TLE4: variants seen among roughly 807,000 people sequenced by gnomAD.
The protein encoded by TLE4 is TLE family member 4, transcriptional corepressor.
A neutral mutation model predicts 92.8 loss-of-function variants in TLE4; 8 were observed. That is an observed-to-expected ratio of 0.09 (90% CI 0.05 to 0.16). The LOEUF is 0.16. TLE4 is among the 10% of genes least tolerant of loss of function. The pLI is 1.00. For missense variants in TLE4, 675 were observed against 997.6 expected (o/e 0.68, Z 4.36); for synonymous variants, 371 against 374.1 (o/e 0.99, Z 0.10).
intron 6 of TLE4, among the ~76,000 whole-genome samples, chr9:79,639,469 A>AT (rs1362012578): frequency 1.3e-5 from 2 of 152,080 alleles, no homozygotes; most frequent in Non-Finnish European, 2.9e-5. Context: ...TTTTTAAATA[A>AT]TTTTTTTGTA....
intron 11 of TLE4, chr9:79,707,284 A>G: frequency 1.5e-6 from 2 of 1,293,522 alleles, no homozygotes; most frequent in South Asian, 2.4e-5. Context: ...CAAGCTACAT[A>G]TGACGGCAAT....
intron 6 of TLE4, among the ~76,000 whole-genome samples, chr9:79,632,975 G>A (rs1438856961): frequency 6.6e-6 from 1 of 152,170 alleles, no homozygotes; most frequent in Non-Finnish European, 1.5e-5. Flanking sequence ...ACACATGGCA[G>A]GAACACCAAA....
chr9:79,631,771 G>A (rs1055859535), intron 6 of TLE4, among the ~76,000 whole-genome samples: 1 of 151,656 alleles, frequency 6.6e-6, no homozygotes, highest in African/African-American at 2.4e-5. Flanking sequence ...AACTTTCAAA[G>A]GCATTTGGAT....
chr9:79,722,388 C>A (rs2075790974), intron 17 of TLE4, 63 bp from the exon 18 acceptor site: 2 of 1,564,718 alleles, frequency 1.3e-6, no homozygotes, highest in Admixed American at 3.5e-5. Context: ...AGAGATAGTA[C>A]CTCCCAGATA....
rs554500151 is a variant in TLE4 at position 79,683,394 on chromosome 9, A to C, written c.610-21389A>C. Reference sequence around the variant, plus strand: ...AGGTAGAATTAAATTGAGCGTAAACATGAAGTTTAAACTTATTTTGATATT... The same window carrying C: ...AGGTAGAATTAAATTGAGCGTAAACCTGAAGTTTAAACTTATTTTGATATT... On this transcript the variant is annotated intron_variant, in intron 8 of 19. Transcript: ENST00000376552. 2.6e-5 allele frequency among the ~76,000 whole-genome samples: 4 copies of C among 152,314 alleles called. No individual in the cohort carries two copies. The South Asian group carries it at 6.2e-4, about 24-fold the overall frequency.
Position 79,574,864 on chromosome 9 carries a change from C to T in TLE4, c.144-9C>T, listed in dbSNP as rs570337167. ...TCATTGTACTTAGAGTATCTTATGT[C>T]TTGAACAGTCTGAAGCTGGAATGTG... On this transcript the variant is annotated splice_polypyrimidine_tract_variant and intron_variant, in intron 2 of 19. Coordinates refer to ENST00000376552, the MANE Select transcript of TLE4 (RefSeq NM_007005.6). The T allele has an allele frequency of 1.9e-6, 3 of 1,611,624 alleles. No homozygotes were observed. The African/African-American group carries it at 4.0e-5, about 22-fold the overall frequency.
intron 13 of TLE4, 130 bp downstream of exon 13, chr9:79,708,916 C>G: frequency 8.8e-7 from 1 of 1,136,588 alleles, no homozygotes; most frequent in Non-Finnish European, 1.2e-6. Context: ...ACTGCAGCCT[C>G]TGCCTCCTGG....
At chr9:79,636,759 T>C (rs1228998513) in intron 6 of TLE4, among the ~76,000 whole-genome samples, 1 of 152,192 alleles carries the variant, frequency 6.6e-6, no homozygotes, top group East Asian at 1.9e-4. Flanking sequence ...TTCCCTTGAC[T>C]AGCTAGTGAA....
chr9:79,642,537 A>G (rs1306327947), intron 6 of TLE4, among the ~76,000 whole-genome samples: 1 of 152,106 alleles, frequency 6.6e-6, no homozygotes, highest in East Asian at 1.9e-4. Flanking sequence ...AACCATTGGT[A>G]TCAGTAAGAT....
chr9:79,607,761 GCTGTTTTGGTACCAGT>G (rs2047420019), intron 4 of TLE4, among the ~76,000 whole-genome samples: 1 of 120,098 alleles, frequency 8.3e-6, no homozygotes, highest in Non-Finnish European at 1.8e-5. Flanking sequence ...CCAGTACCAT[GCTGTTTTGGTACCAGT>G]ACCATGCTGT....
intron 6 of TLE4, chr9:79,649,899 T>TTGC (rs1564638349): frequency 7.5e-7 from 1 of 1,341,904 alleles, no homozygotes; most frequent in African/African-American, 1.5e-5. Context: ...GTTGTTGTTG[T>TTGC]TGTTTTTTTG....
intron 8 of TLE4, among the ~76,000 whole-genome samples, chr9:79,677,855 T>A (rs1001974373): frequency 2.6e-5 from 4 of 152,050 alleles, no homozygotes; most frequent in Admixed American, 2.6e-4. Flanking sequence ...GTGGGTGGTG[T>A]AAGAGATTCT....
chr9:79,651,880 A>T (rs1003832638), intron 6 of TLE4, among the ~76,000 whole-genome samples: 6 of 152,196 alleles, frequency 3.9e-5, no homozygotes, highest in Non-Finnish European at 8.8e-5. Context: ...TTTGTTCAAC[A>T]TAACTGCTTT....
intron 4 of TLE4, among the ~76,000 whole-genome samples, chr9:79,603,381 A>C (rs2046091627): frequency 6.6e-6 from 1 of 152,174 alleles, no homozygotes; most frequent in South Asian, 2.1e-4. Flanking sequence ...AACTTTCAGC[A>C]ACCACCACCC....
intron 4 of TLE4, among the ~76,000 whole-genome samples, chr9:79,605,110 A>G (rs1184070893): frequency 1.3e-5 from 2 of 152,118 alleles, no homozygotes; most frequent in Admixed American, 6.6e-5. Flanking sequence ...GGCTGAGGAA[A>G]GAGCTATTGG....
chr9:79,643,503 T>G (rs1274556545), intron 6 of TLE4, among the ~76,000 whole-genome samples: 1 of 152,246 alleles, frequency 6.6e-6, no homozygotes, highest in Non-Finnish European at 1.5e-5. Context: ...TCATGTCTTT[T>G]TACTCTTCTT....
chr9:79,627,581 C>A, intron 6 of TLE4, 133 bp downstream of exon 6: 1 of 814,912 alleles, frequency 1.2e-6, no homozygotes. Flanking sequence ...AGCACTTTGC[C>A]TTCAATCTCC....
At chr9:79,631,556 C>T (rs1032389063) in intron 6 of TLE4, among the ~76,000 whole-genome samples, 2 of 151,064 alleles carry the variant, frequency 1.3e-5, no homozygotes, top group Non-Finnish European at 2.9e-5. Flanking sequence ...AAGACAATAC[C>T]TTTGCGGTCC....
At chr9:79,603,856 G>A (rs910258240) in intron 4 of TLE4, among the ~76,000 whole-genome samples, 2 of 152,072 alleles carry the variant, frequency 1.3e-5, no homozygotes, top group Admixed American at 1.3e-4. Context: ...ATCTGCCATG[G>A]AGCCTACATT....
Sources: allele counts gnomAD v4.1 joint callset (sites outside exome capture counted in the v4.1 genomes callset), GRCh38; gene constraint gnomAD v4.1.1; transcripts MANE v1.5; gene names NCBI Gene and HGNC (gene_info 2026-07-23, HGNC 2026-07-21).